The following SVBP variants were observed in gnomAD, a reference collection of about 807,000 sequenced individuals.
SVBP encodes the protein small vasohibin-binding protein.
In SVBP, 9 loss-of-function variants were observed where a neutral mutation model predicts 9.2. The observed-to-expected ratio is 0.98, with a 90% CI of 0.59 to 1.71. The LOEUF (loss-of-function observed/expected upper bound fraction) is 1.71. Among genes scored for constraint, SVBP ranks in the 40% most tolerant of loss-of-function variants. The pLI is 0.00. For synonymous variants in SVBP, 27 were observed against 23.9 expected, an observed-to-expected ratio of 1.13 and a Z score of -0.37; for missense variants, 63 against 73.2, an observed-to-expected ratio of 0.86 and a Z score of 0.51.
chr1:42,808,653 CATAT>C (rs913995579), intron 2 of SVBP, among the ~76,000 whole-genome samples: 7 of 148,754 alleles, frequency 4.7e-5, no homozygotes. Context: ...ATATATAGCT[CATAT>C]ATATAAGCTA....
intron 1 of SVBP, 127 bp from the exon 2 acceptor site, chr1:42,816,707 A>C: frequency 1.7e-6 from 1 of 573,556 alleles, no homozygotes; most frequent in Non-Finnish European, 3.1e-6. Flanking sequence ...TCTGGTGGCA[A>C]GGGCGCTGGA....
chr1:42,815,660 T>C (rs561415179), intron 2 of SVBP, among the ~76,000 whole-genome samples: 1 of 149,916 alleles, frequency 6.7e-6, no homozygotes, highest in Admixed American at 6.6e-5. Context: ...TAAACTAAAT[T>C]CTTATATTGG....
chr1:42,808,825 TA>T (rs1356402474), intron 2 of SVBP, among the ~76,000 whole-genome samples: 1 of 152,060 alleles, frequency 6.6e-6, no homozygotes, highest in East Asian at 1.9e-4. Context: ...GCCTCCCAAG[TA>T]GCTGAGATTA....
At chr1:42,811,844 G>A (rs746509207) in intron 2 of SVBP, among the ~76,000 whole-genome samples, 9 of 152,128 alleles carry the variant, frequency 5.9e-5, no homozygotes, top group Non-Finnish European at 8.8e-5. Context: ...CTTTACAGAA[G>A]GGTGTCAATA....
chr1:42,807,176 AC>A lies in SVBP; in HGVS notation c.*237del. On this transcript the variant is annotated 3_prime_UTR_variant, in exon 3 of 3. Transcript: ENST00000372521. The stretch of plus-strand genomic sequence containing the variant: ...GTGTTTTTTTTTTTTTTTTAAAAAA[AC>A]CCAAAAAACAAAACCACTGTCTTAG... 2.0e-5 allele frequency: 6 copies of A among 305,972 alleles called. No homozygotes were observed. Among genetic ancestry groups the A allele is most frequent in the East Asian group, 4.5e-5 (1 of 22,034 alleles). 19.0% of individuals were successfully genotyped at this position (305,972 alleles called of 1,614,324 possible). A position where few individuals can be genotyped will look rare whatever the true frequency, so the allele number is the denominator to read the frequency against.
chr1:42,817,088 GC>G (rs1282980866), intron 1 of SVBP, 101 bp downstream of exon 1: 4 of 139,368 alleles, frequency 2.9e-5, no homozygotes, highest in Middle Eastern at 2.0e-3. Flanking sequence ...GCCCCGGCCC[GC>G]CCGGCCCCAG....
rs1557600647 is a variant in SVBP at position 42,816,415 on chromosome 1, T to C, written c.114+16A>G. 3.2e-6 allele frequency: 5 copies of C among 1,563,486 alleles called. No individual in the cohort carries two copies. The highest frequency in any genetic ancestry group is 1.1e-5 in the South Asian group (1 of 89,936). The stretch of plus-strand genomic sequence containing the variant: ...CAGCAGACTACAGGCATACAGAGCC[T>C]CCGCCTTAATCTCACCTCTGCTCTT... On this transcript the variant is annotated intron_variant, in intron 2 of 2. Coordinates refer to ENST00000372521, the MANE Select transcript of SVBP (RefSeq NM_199342.4).
At chr1:42,815,855 C>T (rs1235299305) in intron 2 of SVBP, among the ~76,000 whole-genome samples, 3 of 151,994 alleles carry the variant, frequency 2.0e-5, no homozygotes, top group Admixed American at 2.0e-4. Context: ...AGGAAATGAA[C>T]AAAGCAGACA....
chr1:42,815,408 A>C (rs185730008), intron 2 of SVBP, among the ~76,000 whole-genome samples: 128 of 152,050 alleles, frequency 8.4e-4, no homozygotes, highest in Admixed American at 2.1e-3. Flanking sequence ...ATCTCAAAAA[A>C]AAAAAGCAAT....
intron 2 of SVBP, among the ~76,000 whole-genome samples, chr1:42,815,459 T>C (rs891601628): frequency 6.6e-6 from 1 of 151,606 alleles, no homozygotes; most frequent in Non-Finnish European, 1.5e-5. Context: ...CCCAGTAATT[T>C]TTCTAGTTAA....
intron 2 of SVBP, among the ~76,000 whole-genome samples, chr1:42,813,152 GA>G (rs1654114584): frequency 6.6e-6 from 1 of 151,246 alleles, no homozygotes; most frequent in Non-Finnish European, 1.5e-5. Context: ...ACTGAAGAAT[GA>G]GGAGTATTTT....
chr1:42,811,457 T>C (rs2124247146), intron 2 of SVBP, among the ~76,000 whole-genome samples: 1 of 152,358 alleles, frequency 6.6e-6, no homozygotes, highest in Admixed American at 6.5e-5. Context: ...TCTCAAGAGC[T>C]GCACGGGGCC....
chr1:42,809,797 A>G (rs1258184503), intron 2 of SVBP, among the ~76,000 whole-genome samples: 1 of 152,238 alleles, frequency 6.6e-6, no homozygotes, highest in African/African-American at 2.4e-5. Flanking sequence ...AATAAACTTG[A>G]ATGGTTAAAA....
At chr1:42,807,594 A>G in intron 2 of SVBP, 94 bp from the exon 3 acceptor site, 2 of 913,740 alleles carry the variant, frequency 2.2e-6, no homozygotes, top group Non-Finnish European at 3.6e-6. Flanking sequence ...AAAATACCAG[A>G]ATTTCACCAG....
At chr1:42,808,135 G>T (rs1328947687) in intron 2 of SVBP, among the ~76,000 whole-genome samples, 1 of 35,850 alleles carries the variant, frequency 2.8e-5, no homozygotes, top group African/African-American at 1.5e-4. Flanking sequence ...TGTGAATATA[G>T]TGTGTGTGTG....
rs778881107 is a variant in SVBP, at chr1:42,817,129, C to G, written c.-37+61G>C. 6.1e-5 allele frequency: 72 copies of G among 1,181,480 alleles called. No homozygotes were observed. The African/African-American group carries it at 8.0e-4, about 13-fold the overall frequency. 73.2% of individuals were successfully genotyped at this position (1,181,480 alleles called of 1,614,324 possible). On this transcript the variant is annotated intron_variant, in intron 1 of 2. Coordinates refer to ENST00000372521, the MANE Select transcript of SVBP (RefSeq NM_199342.4). ...CGGCCCCCGCCTCCTGCCCTCTTCC[C>G]TCTCCTGGAGGAAAATGGCGGTCGC...
intron 2 of SVBP, 171 bp downstream of exon 2, chr1:42,816,260 C>G: frequency 1.9e-6 from 1 of 529,666 alleles, no homozygotes; most frequent in Non-Finnish European, 3.3e-6. Context: ...TGATTCTGGG[C>G]TGCCACCTCA....
intron 2 of SVBP, among the ~76,000 whole-genome samples, chr1:42,814,147 G>T (rs1654143884): frequency 6.7e-6 from 1 of 149,410 alleles, no homozygotes; most frequent in Non-Finnish European, 1.5e-5. Context: ...AGAGTGCAGT[G>T]GCACAATCTC....
At chr1:42,808,147 G>GTATATATATATATA (rs1475249020) in intron 2 of SVBP, among the ~76,000 whole-genome samples, 7 of 53,902 alleles carry the variant, frequency 1.3e-4, no homozygotes, top group African/African-American at 4.8e-4. Context: ...GTGTGTGTGT[G>GTATATATATATATA]TGTATATATA....
Sources: gnomAD v4.1 joint callset for allele counts (sites outside exome capture counted in the v4.1 genomes callset) on GRCh38, gnomAD v4.1.1 for gene constraint, MANE v1.5 for transcripts, NCBI Gene and HGNC (gene_info 2026-07-23, HGNC 2026-07-21) for gene names.